Variants in PCDHGA5 observed in about 807,000 individuals in gnomAD.
The protein encoded by PCDHGA5 is protocadherin gamma subfamily A, 5.
PCDHGA5 carries 36 observed loss-of-function variants against 56.7 expected under a neutral mutation model. The observed-to-expected ratio is 0.64, with a 90% CI of 0.49 to 0.84. The LOEUF is 0.84. PCDHGA5 is among the 40% of genes least tolerant of loss of function. PCDHGA5 has a pLI of 0.00. For missense variants in PCDHGA5, 1,305 were observed against 1,201.5 expected, an observed-to-expected ratio of 1.09 and a Z score of -1.27; for synonymous variants, 563 against 520.2, an observed-to-expected ratio of 1.08 and a Z score of -1.12.
chr5:141,478,202 C>T, intron 1 of PCDHGA5: 1 of 1,614,074 alleles, frequency 6.2e-7, no homozygotes, highest in Non-Finnish European at 8.5e-7. Flanking sequence ...TTATCTACTT[C>T]TTTCTCTAAT....
chr5:141,418,626 C>A (rs1237600131), intron 1 of PCDHGA5: 2 of 1,613,902 alleles, frequency 1.2e-6, no homozygotes, highest in African/African-American at 2.7e-5. Context: ...GAAGACGTGC[C>A]TCCAGGCACC....
chr5:141,414,023 A>G lies in PCDHGA5; in HGVS notation c.2421+47272A>G, dbSNP rs746044242. 5 of 1,612,692 alleles carry G rather than the reference A, an allele frequency of 3.1e-6. No homozygotes were observed. The highest frequency in any genetic ancestry group is 2.2e-5 in the East Asian group (1 of 44,836). ...GAAGGTGCCAATGGAGAAGTGACAT[A>G]TTCATTCCGAAAATTACCTGACACG... On this transcript the variant is annotated intron_variant, in intron 1 of 3. Transcript: ENST00000518069.
intron 3 of PCDHGA5, 90 bp from the exon 4 acceptor site, chr5:141,510,857 A>G (rs1184962556): frequency 6.2e-7 from 1 of 1,605,538 alleles, no homozygotes; most frequent in Non-Finnish European, 8.5e-7. Flanking sequence ...AGGGTGCTGT[A>G]TAGGCATTCA....
At chr5:141,423,034 G>A (rs769232324) in intron 1 of PCDHGA5, 1 of 1,614,200 alleles carries the variant, frequency 6.2e-7, no homozygotes, top group Non-Finnish European at 8.5e-7. Context: ...AGGCCAGAAC[G>A]CCTGGCTGTC....
At chr5:141,506,566 T>C (rs909998933) in intron 3 of PCDHGA5, among the ~76,000 whole-genome samples, 33 of 152,022 alleles carry the variant, frequency 2.2e-4, no homozygotes, top group Non-Finnish European at 2.9e-5. Flanking sequence ...ACCCCCTCGG[T>C]TTCACTTACT....
intron 1 of PCDHGA5, chr5:141,371,868 G>A (rs755178809): frequency 2.5e-6 from 4 of 1,613,510 alleles, no homozygotes; most frequent in Non-Finnish European, 3.4e-6. Context: ...CTACTACATC[G>A]TGGCCAGTGA....
chr5:141,402,842 A>G, intron 1 of PCDHGA5: 1 of 1,396,816 alleles, frequency 7.2e-7, no homozygotes, highest in Non-Finnish European at 9.4e-7. Flanking sequence ...AGCAAAACTC[A>G]GCCTCTTTCT....
chr5:141,368,384 C>A (rs1263453291), intron 1 of PCDHGA5, among the ~76,000 whole-genome samples: 1 of 151,986 alleles, frequency 6.6e-6, no homozygotes, highest in Non-Finnish European at 1.5e-5. Context: ...TACACACATA[C>A]ACACACACAA....
chr5:141,416,178 C>G (rs1392436592), intron 1 of PCDHGA5: 3 of 152,408 alleles, frequency 2.0e-5, no homozygotes, highest in African/African-American at 2.4e-5. Context: ...CTAAGTTTTT[C>G]ATTAATATTG....
intron 1 of PCDHGA5, chr5:141,383,348 T>C: frequency 6.2e-7 from 1 of 1,613,946 alleles, no homozygotes; most frequent in Admixed American, 1.7e-5. Context: ...GCTCCTGGGG[T>C]TCGGTTTCCG....
rs755093164 is a variant in PCDHGA5, at chr5:141,485,516, G to C, written c.2422-9291G>C. On this transcript the variant is annotated intron_variant, in intron 1 of 3. Coordinates refer to ENST00000518069, the MANE Select transcript of PCDHGA5 (RefSeq NM_018918.3). The surrounding 1 kb of genome is among the most constrained non-coding windows in gnomAD (Gnocchi z 5.7). Reference sequence around the variant, plus strand: ...GGAGTTTGTCACCGAAGGTCCTTTGGAAATGTACCGAGCAGAGGTAGAGAT... The same window carrying C: ...GGAGTTTGTCACCGAAGGTCCTTTGCAAATGTACCGAGCAGAGGTAGAGAT... 1 of 1,614,172 alleles carries C rather than the reference G, an allele frequency of 6.2e-7. No individual in the cohort carries two copies.
At chr5:141,393,404 G>A (rs1159260916) in intron 1 of PCDHGA5, 1 of 1,614,024 alleles carries the variant, frequency 6.2e-7, no homozygotes, top group Non-Finnish European at 8.5e-7. Context: ...TGGTGCTGGA[G>A]CGCGCCCTGG....
intron 1 of PCDHGA5, chr5:141,376,094 A>T: frequency 6.2e-7 from 1 of 1,613,544 alleles, no homozygotes. Flanking sequence ...GATCCCCGAC[A>T]TCCTGGCCGA....
intron 1 of PCDHGA5, chr5:141,382,816 TA>T: frequency 1.6e-6 from 2 of 1,275,446 alleles, no homozygotes; most frequent in Non-Finnish European, 2.2e-6. Flanking sequence ...CTCCCCTTCC[TA>T]AGACAGAGGG....
chr5:141,409,200 T>C, intron 1 of PCDHGA5: 2 of 1,614,020 alleles, frequency 1.2e-6, no homozygotes, highest in Non-Finnish European at 1.7e-6. Flanking sequence ...CAGTGTAAAG[T>C]AATCATAGAA....
At chr5:141,388,360 A>T in intron 1 of PCDHGA5, 4 of 1,613,996 alleles carry the variant, frequency 2.5e-6, no homozygotes, top group Non-Finnish European at 3.4e-6. Flanking sequence ...TCTGCCCATG[A>T]TGCGGATATT....
chr5:141,370,196 T>C (rs1298112145), intron 1 of PCDHGA5: 4 of 533,354 alleles, frequency 7.5e-6, no homozygotes, highest in Admixed American at 3.6e-5. Context: ...GCTAGTGCTG[T>C]GCAAAATATT....
chr5:141,391,359 C>T (rs2092363338), intron 1 of PCDHGA5: 1 of 149,724 alleles, frequency 6.7e-6, no homozygotes, highest in African/African-American at 2.5e-5. Flanking sequence ...GTTACTCAGG[C>T]TGTAGTGCAG....
intron 1 of PCDHGA5, chr5:141,376,145 G>A: frequency 6.2e-7 from 1 of 1,613,994 alleles, no homozygotes; most frequent in Non-Finnish European, 8.5e-7. Context: ...CAACGATTCG[G>A]ACCTCACTCT....
Sources: allele counts gnomAD v4.1 joint callset (sites outside exome capture counted in the v4.1 genomes callset), GRCh38; gene constraint gnomAD v4.1.1; non-coding constraint Gnocchi (gnomAD v3.1); transcripts MANE v1.5; gene names NCBI Gene and HGNC (gene_info 2026-07-23, HGNC 2026-07-21).